The following NCALD variants were observed in gnomAD, a reference collection of about 807,000 sequenced individuals.
The protein encoded by NCALD is neurocalcin delta, also known as neurocalcin-delta.
In NCALD, 10 loss-of-function variants were observed where a neutral mutation model predicts 18.6. That is an observed-to-expected ratio of 0.54 (90% CI 0.33 to 0.91). The LOEUF (loss-of-function observed/expected upper bound fraction) is 0.91, where lower values mean the gene tolerates loss of function less well. Among genes scored for constraint, NCALD ranks in the 40% least tolerant of loss-of-function variants. The pLI is 0.03. For synonymous variants in NCALD, 88 were observed against 87.4 expected (o/e 1.01, Z -0.04); for missense variants, 184 against 247.6 (o/e 0.74, Z 1.72).
intron 4 of NCALD, among the ~76,000 whole-genome samples, chr8:101,822,595 T>A (rs1246028651): frequency 6.6e-6 from 1 of 152,188 alleles, no homozygotes; most frequent in Non-Finnish European, 1.5e-5. Context: ...GTAGTGGCAG[T>A]CAGTTCTGGT....
At chr8:101,791,171 C>T (rs1323401582), upstream of NCALD, among the ~76,000 whole-genome samples, 1 of 152,182 alleles carries the variant, frequency 6.6e-6, no homozygotes, top group Non-Finnish European at 1.5e-5. Flanking sequence ...AGAACCATCA[C>T]GGACAGCTCC....
At chr8:101,744,675 G>A (rs1024432727) in intron 1 of NCALD, among the ~76,000 whole-genome samples, 1 of 152,104 alleles carries the variant, frequency 6.6e-6, no homozygotes, top group Admixed American at 6.6e-5. Flanking sequence ...TTTCTACTAA[G>A]CACGTGTCCC....
intron 4 of NCALD, among the ~76,000 whole-genome samples, chr8:101,808,246 A>G (rs769428210): frequency 1.3e-5 from 2 of 152,134 alleles, no homozygotes; most frequent in Non-Finnish European, 2.9e-5. Context: ...CTGCTTGAAT[A>G]CTTTCCAGTA....
At chr8:101,804,509 A>G (rs951167718) in intron 4 of NCALD, among the ~76,000 whole-genome samples, 62 of 124,222 alleles carry the variant, frequency 5.0e-4, no homozygotes, top group African/African-American at 2.2e-3. Context: ...AATTAATTAT[A>G]TAATATATAA....
chr8:102,099,972 A>G (rs572021431), intron 1 of NCALD, among the ~76,000 whole-genome samples: 10 of 143,672 alleles, frequency 7.0e-5, no homozygotes, highest in South Asian at 2.3e-4. Flanking sequence ...ACAGAGCAAG[A>G]CTCTGTCTCA....
intron 2 of NCALD, among the ~76,000 whole-genome samples, chr8:102,002,800 G>T (rs1333535452): frequency 6.6e-6 from 1 of 151,992 alleles, no homozygotes; most frequent in Admixed American, 6.5e-5. Context: ...CGAAATAAAG[G>T]CAGAAATAAA....
chr8:101,822,872 G>C (rs556138106), intron 4 of NCALD, among the ~76,000 whole-genome samples: 3 of 152,162 alleles, frequency 2.0e-5, no homozygotes, highest in Admixed American at 2.0e-4. Context: ...TGTTCCTTCA[G>C]CTCTTACTTT....
intron 1 of NCALD, among the ~76,000 whole-genome samples, chr8:102,058,316 C>G (rs1402320782): frequency 2.0e-5 from 3 of 152,176 alleles, no homozygotes; most frequent in Admixed American, 2.0e-4. Flanking sequence ...CTATTGCACC[C>G]AAACTCCTGT....
At chr8:101,859,567 C>T (rs1187975033) in intron 4 of NCALD, among the ~76,000 whole-genome samples, 4 of 151,984 alleles carry the variant, frequency 2.6e-5, no homozygotes, top group African/African-American at 9.7e-5. Context: ...AGATAAAGAC[C>T]CCTTAGCAAA....
intron 4 of NCALD, among the ~76,000 whole-genome samples, chr8:101,810,841 T>C: frequency 6.6e-6 from 1 of 152,210 alleles, no homozygotes; most frequent in South Asian, 2.1e-4. Flanking sequence ...GTTCTAACAC[T>C]GTAATAGAGG....
At chr8:101,794,573 T>C (rs1812567649), upstream of NCALD, among the ~76,000 whole-genome samples, 1 of 152,246 alleles carries the variant, frequency 6.6e-6, no homozygotes. Context: ...GTGGATGTAT[T>C]TAACGGTTCT....
At chr8:102,117,411 C>A (rs143259880) in intron 1 of NCALD, among the ~76,000 whole-genome samples, 2 of 152,166 alleles carry the variant, frequency 1.3e-5, no homozygotes, top group Non-Finnish European at 1.5e-5. Context: ...TCCCACAGAG[C>A]GATTCCAGGC....
chr8:101,996,638 C>G (rs1821249768), intron 2 of NCALD, among the ~76,000 whole-genome samples: 2 of 152,208 alleles, frequency 1.3e-5, no homozygotes, highest in Admixed American at 1.3e-4. Flanking sequence ...TGGAGGTCAT[C>G]TTGACAAGTC....
At chr8:101,762,522 A>G (rs1455773778) in intron 1 of NCALD, among the ~76,000 whole-genome samples, 2 of 152,154 alleles carry the variant, frequency 1.3e-5, no homozygotes, top group African/African-American at 4.8e-5. Context: ...AATAAACCTT[A>G]GCTTATGGTC....
intron 1 of NCALD, among the ~76,000 whole-genome samples, chr8:101,737,007 C>T (rs1018739198): frequency 2.0e-5 from 3 of 152,034 alleles, no homozygotes; most frequent in Admixed American, 2.0e-4. Flanking sequence ...CAGCTTTTCA[C>T]AAGAATGTAA....
At chr8:101,690,712 T>C in intron 3 of NCALD, 1 of 985,470 alleles carries the variant, frequency 1.0e-6, no homozygotes, top group African/African-American at 1.7e-5. Context: ...AATTTATTTT[T>C]AATTTGTAGA....
At chr8:101,997,203 T>C (rs1821270216) in intron 2 of NCALD, among the ~76,000 whole-genome samples, 1 of 152,240 alleles carries the variant, frequency 6.6e-6, no homozygotes, top group Non-Finnish European at 1.5e-5. Context: ...AGAATAGCTT[T>C]TGACCACTTT....
chr8:101,719,196 C>A lies in NCALD; in HGVS notation c.378+56G>T, dbSNP rs1362342269. On this transcript the variant is annotated intron_variant, in intron 2 of 3. Transcript: ENST00000220931. ...TGCACCGTGCTATACTGTGCACCTTCCAATTCTTACTTGAGATACATGCCC... is the reference window on the plus strand; with the variant it reads ...TGCACCGTGCTATACTGTGCACCTTACAATTCTTACTTGAGATACATGCCC... The A allele has an allele frequency of 5.7e-6, 9 of 1,572,402 alleles. No individual in the cohort carries two copies. In the East Asian group the frequency reaches 2.0e-4, roughly 35 times the overall value.
intron 4 of NCALD, among the ~76,000 whole-genome samples, chr8:101,858,483 A>T (rs73280814): frequency 6.6e-6 from 1 of 152,166 alleles, no homozygotes; most frequent in Non-Finnish European, 1.5e-5. Flanking sequence ...TTCCTCCCCT[A>T]TCCCAGCCTG....
Sources: gnomAD v4.1 joint callset for allele counts (sites outside exome capture counted in the v4.1 genomes callset) on GRCh38, gnomAD v4.1.1 for gene constraint, MANE v1.5 for transcripts, NCBI Gene and HGNC (gene_info 2026-07-23, HGNC 2026-07-21) for gene names.